Variants in TOP2A observed in about 807,000 individuals in gnomAD.
TOP2A encodes DNA topoisomerase II alpha.
Under a neutral mutation model 187.2 loss-of-function variants are expected in TOP2A, and 68 were observed. The ratio of observed to expected loss-of-function variants is 0.36; its 90% CI spans 0.30 to 0.44. The LOEUF is 0.44. Among genes scored for constraint, TOP2A ranks in the 20% least tolerant of loss-of-function variants. The pLI is 1.00. For missense variants in TOP2A, 1,196 were observed against 1,808.7 expected, an observed-to-expected ratio of 0.66 and a Z score of 6.14; for synonymous variants, 542 against 593.2, an observed-to-expected ratio of 0.91 and a Z score of 1.25.
intron 34 of TOP2A, among the ~76,000 whole-genome samples, 156 bp from the exon 35 acceptor site, chr17:40,389,803 A>AAGTG (rs1316915681): frequency 2.0e-5 from 3 of 152,232 alleles, no homozygotes; most frequent in African/African-American, 7.2e-5. Flanking sequence ...TTGCCCAAAT[A>AAGTG]AGTGGCATAT....
Position 40,389,983 on chromosome 17 carries a change from C to T in TOP2A, c.4449G>A (p.Ser1483=), listed in dbSNP as rs567461017. ...CACTCACCTTGCTTGTGACTGCTTT[C>T]GAAACAATTTTCTCAAAATTAGAGT... is the stretch of plus-strand genomic sequence containing the variant. ...DSDSNFEKIV[S]KAVTSKKSKG... is the part of the protein sequence containing the mutation. The change falls in exon 34 of 35, where the codon TCG becomes TCA. Residue 1483 remains serine, a synonymous_variant. Coordinates refer to ENST00000423485, the MANE Select transcript of TOP2A (RefSeq NM_001067.4). 4.5e-5 allele frequency: 72 copies of T among 1,613,312 alleles called. 1 individual carries two copies. Among genetic ancestry groups the T allele is most frequent in the South Asian group, 3.1e-4 (28 of 90,900 alleles).
chr17:40,411,016 A>T lies in TOP2A; in HGVS notation c.1203+93T>A. The T allele has an allele frequency of 7.7e-6, 10 of 1,296,820 alleles. No homozygotes were observed. Among genetic ancestry groups the T allele is most frequent in the African/African-American group, 1.5e-5 (1 of 66,702 alleles). 80.3% of individuals were successfully genotyped at this position (1,296,820 alleles called of 1,614,324 possible). A position where few individuals can be genotyped will look rare whatever the true frequency, so the allele number is the denominator to read the frequency against. ...AGATTGGGAAGACTTGGAGAAGCTCACTATGAGAAGAATCATTGTTTCTGC... is the reference window on the plus strand; with the variant it reads ...AGATTGGGAAGACTTGGAGAAGCTCTCTATGAGAAGAATCATTGTTTCTGC... On this transcript the variant is annotated intron_variant, in intron 10 of 34. Coordinates refer to ENST00000423485, the MANE Select transcript of TOP2A (RefSeq NM_001067.4). The surrounding 1 kb of genome is among the most constrained non-coding windows in gnomAD (Gnocchi z 4.4).
intron 33 of TOP2A, among the ~76,000 whole-genome samples, chr17:40,390,407 C>T (rs2035007810): frequency 6.6e-6 from 1 of 151,944 alleles, no homozygotes; most frequent in Non-Finnish European, 1.5e-5. Context: ...TCAAGCTGGT[C>T]TCAAACTCCT....
intron 10 of TOP2A, chr17:40,409,465 G>T (rs1038534775): frequency 6.7e-6 from 3 of 449,150 alleles, no homozygotes; most frequent in African/African-American, 6.0e-5. Context: ...ACACAACATA[G>T]AAGACAGACA....
At chr17:40,394,856 A>C (rs1567781915) in intron 29 of TOP2A, among the ~76,000 whole-genome samples, 1 of 152,252 alleles carries the variant, frequency 6.6e-6, no homozygotes, top group Non-Finnish European at 1.5e-5. Flanking sequence ...TTTGTATACT[A>C]GAACCTCGTA....
intron 31 of TOP2A, 43 bp from the exon 32 acceptor site, chr17:40,392,154 G>A (rs776305932): frequency 6.2e-7 from 1 of 1,609,370 alleles, no homozygotes; most frequent in Non-Finnish European, 8.5e-7. Context: ...TTCTAAATGT[G>A]TCAAGCAAAA....
intron 34 of TOP2A, 128 bp downstream of exon 34, chr17:40,389,837 G>A: frequency 3.2e-6 from 4 of 1,255,048 alleles, no homozygotes; most frequent in Middle Eastern, 1.9e-4. Flanking sequence ...AACTAAATAT[G>A]TACAGTAAAA....
chr17:40,398,358 C>T (rs1224342140), intron 27 of TOP2A, among the ~76,000 whole-genome samples, 200 bp downstream of exon 27: 3 of 151,944 alleles, frequency 2.0e-5, no homozygotes, highest in Non-Finnish European at 4.4e-5. Flanking sequence ...CCCAACTCAG[C>T]CTTCCAAAAT....
chr17:40,417,479 AC>A, intron 1 of TOP2A: 1 of 1,294,132 alleles, frequency 7.7e-7, no homozygotes, highest in Non-Finnish European at 1.0e-6. Context: ...CGACTCAATA[AC>A]GTCGCACCCG....
At position 40,408,649 on chromosome 17, in the gene TOP2A, A is replaced by G. The variant is rs747299454; in HGVS notation, c.1204-19T>C. 6 of 1,612,282 alleles carry G rather than the reference A, an allele frequency of 3.7e-6. No homozygotes were observed. In the East Asian group the frequency reaches 1.3e-4, roughly 36 times the overall value. ...CAATGGCCTGAAAACGAGAAGATTC[A>G]TATTAGGGATCATATTAGGGAAGAA... On this transcript the variant is annotated intron_variant, in intron 10 of 34. Transcript: ENST00000423485.
At chr17:40,395,281 CA>C (rs755789593) in intron 29 of TOP2A, among the ~76,000 whole-genome samples, 167 bp downstream of exon 29, 229 of 54,882 alleles carry the variant, frequency 4.2e-3, no homozygotes, top group East Asian at 0.031. Context: ...GAAACTGTCT[CA>C]AAAAAAAAAA....
rs1221395996 is a variant in TOP2A, at chr17:40,416,736, T to A, written c.177+4A>T. 1 of 1,605,016 alleles carries A rather than the reference T, an allele frequency of 6.2e-7. No individual in the cohort carries two copies. The highest frequency in any genetic ancestry group is 1.1e-5 in the South Asian group (1 of 88,296). ...TTAACTGCCTTTGATGAGCTTGATT[T>A]TACCTGGGTCACTAATTCCACAGAA... is the stretch of plus-strand genomic sequence containing the variant. On this transcript the variant is annotated splice_donor_region_variant and intron_variant, in intron 2 of 34. Coordinates refer to ENST00000423485, the MANE Select transcript of TOP2A (RefSeq NM_001067.4).
Position 40,404,899 on chromosome 17 carries a change from T to C in TOP2A, c.1954-16A>G. ...TGCTAAAGGCCTATAAATTAAAGGA[T>C]GAAAAGATGTCACTGGTACTAATAG... On this transcript the variant is annotated splice_polypyrimidine_tract_variant and intron_variant, in intron 16 of 34. Transcript: ENST00000423485. The C allele has an allele frequency of 1.3e-6, 2 of 1,483,680 alleles. No homozygotes were observed. Among genetic ancestry groups the C allele is most frequent in the Non-Finnish European group, 1.9e-6 (2 of 1,080,124 alleles). 91.9% of individuals were successfully genotyped at this position (1,483,680 alleles called of 1,614,324 possible). A position where few individuals can be genotyped will look rare whatever the true frequency, so the allele number is the denominator to read the frequency against.
chr17:40,400,065 C>T lies in TOP2A; in HGVS notation c.3003G>A (p.Val1001=). The T allele has an allele frequency of 6.2e-7, 1 of 1,601,398 alleles. No individual in the cohort carries two copies. Among genetic ancestry groups the T allele is most frequent in the Non-Finnish European group, 8.5e-7 (1 of 1,175,644 alleles). The change falls in exon 24 of 35, where the codon GTG becomes GTA. Residue 1001 remains valine (V), a splice_region_variant and synonymous_variant. Coordinates refer to ENST00000423485, the MANE Select transcript of TOP2A (RefSeq NM_001067.4). ...TTAAACAGCCTACGTGGTCAAAAAG[C>T]ACCTGAAAAAGGAAAACAAGATTAG... The part of the protein sequence containing the change: ...LQTSLTCNSM[V]LFDHVGCLKK...
chr17:40,409,631 T>C (rs1252873850), intron 10 of TOP2A: 1 of 296,500 alleles, frequency 3.4e-6, no homozygotes, highest in South Asian at 2.9e-5. Context: ...TGATGGTGCA[T>C]GTCTGTAATC....
In TOP2A at chr17:40,400,662, A is replaced by C. The variant is rs946254664; in HGVS notation, c.2666T>G (p.Leu889Arg). ...ACCCTTGAAGTTCTTGTAACTTGGA[A>C]GCTAAATTGGCATTTAAAAAAACAG... is the stretch of plus-strand genomic sequence containing the variant. The part of the protein sequence containing the change: ...LMDGEEPLPM[L>R]PSYKNFKGTI... Residue 889 changes from leucine to arginine, a missense_variant and splice_region_variant, in exon 22 of 35, where the codon CTT (leucine) becomes CGT (arginine). Leu to Arg is a moderately radical substitution (Grantham distance 102). Coordinates refer to ENST00000423485, the MANE Select transcript of TOP2A (RefSeq NM_001067.4). 1.3e-6 allele frequency: 2 copies of C among 1,589,870 alleles called. No individual in the cohort carries two copies. The highest frequency in any genetic ancestry group is 1.7e-6 in the Non-Finnish European group (2 of 1,171,134).
chr17:40,389,723 G>C, intron 34 of TOP2A, 76 bp from the exon 35 acceptor site: 1 of 1,514,924 alleles, frequency 6.6e-7, no homozygotes, highest in Non-Finnish European at 8.9e-7. Flanking sequence ...AATGTATCAA[G>C]ACACTATATT....
chr17:40,389,755 C>T, intron 34 of TOP2A, 108 bp from the exon 35 acceptor site: 2 of 1,413,822 alleles, frequency 1.4e-6, no homozygotes, highest in Non-Finnish European at 1.9e-6. Context: ...CTATTTTCTA[C>T]CAAGTAATAA....
At chr17:40,402,419 G>A (rs932750243) in intron 20 of TOP2A, among the ~76,000 whole-genome samples, 6 of 152,144 alleles carry the variant, frequency 3.9e-5, no homozygotes, top group African/African-American at 1.4e-4. Context: ...CCTGGAATGG[G>A]CCAGTATTTA....
Sources: allele counts gnomAD v4.1 joint callset (sites outside exome capture counted in the v4.1 genomes callset), GRCh38; gene constraint gnomAD v4.1.1; non-coding constraint Gnocchi (gnomAD v3.1); transcripts MANE v1.5; gene names NCBI Gene and HGNC (gene_info 2026-07-23, HGNC 2026-07-21).